The following HECW1 variants were observed in gnomAD, a reference collection of about 807,000 sequenced individuals.
HECW1 encodes the protein HECT, C2 and WW domain containing E3 ubiquitin protein ligase 1.
HECW1 carries 61 observed loss-of-function variants against 182.3 expected under a neutral mutation model. The ratio of observed to expected loss-of-function variants is 0.33; its 90% CI spans 0.27 to 0.41. HECW1 has a LOEUF of 0.41. Among genes scored for constraint, HECW1 ranks in the 10% least tolerant of loss-of-function variants. The probability of loss-of-function intolerance (pLI) is 1.00; values close to 1 mark genes in which losing one functional copy is unlikely to be tolerated. For synonymous variants in HECW1, 859 were observed against 832.6 expected (o/e 1.03, Z -0.55); for missense variants, 1,739 against 2,108.9 (o/e 0.82, Z 3.44).
At chr7:43,313,504 G>A (rs994863590) in intron 4 of HECW1, among the ~76,000 whole-genome samples, 7 of 151,882 alleles carry the variant, frequency 4.6e-5, no homozygotes, top group African/African-American at 1.7e-4. Context: ...CGCCTGGCTA[G>A]TTTTGTATTT....
Position 43,521,423 on chromosome 7 carries a change from G to C in HECW1, c.4019+12302G>C, listed in dbSNP as rs559278092. Among the ~76,000 whole-genome samples the C allele has an allele frequency of 9.2e-5, 14 of 152,296 alleles. No homozygotes were observed. In the South Asian group the frequency reaches 2.9e-3, roughly 32 times the overall value. Reference sequence around the variant, plus strand: ...ATGATGGAAGACTGGAAAAAGAAAAGGTTAAGCAAAATTTTTGCAGGATTA... The same window carrying C: ...ATGATGGAAGACTGGAAAAAGAAAACGTTAAGCAAAATTTTTGCAGGATTA... On this transcript the variant is annotated intron_variant, in intron 24 of 29. Coordinates refer to ENST00000395891, the MANE Select transcript of HECW1 (RefSeq NM_015052.5).
intron 21 of HECW1, among the ~76,000 whole-genome samples, chr7:43,504,654 C>T (rs988993102): frequency 6.6e-6 from 1 of 152,226 alleles, no homozygotes; most frequent in African/African-American, 2.4e-5. Context: ...TCTCTCATCT[C>T]ACATGAACCT....
intron 3 of HECW1, among the ~76,000 whole-genome samples, chr7:43,258,375 A>T (rs943942404): frequency 2.0e-5 from 3 of 150,978 alleles, no homozygotes; most frequent in Non-Finnish European, 4.4e-5. Context: ...ATAAAAAAAT[A>T]AAAAAAAAGA....
intron 5 of HECW1, among the ~76,000 whole-genome samples, chr7:43,355,000 A>G (rs1031739526): frequency 2.7e-5 from 4 of 150,930 alleles, no homozygotes; most frequent in African/African-American, 9.8e-5. Flanking sequence ...ACCAAGAGGG[A>G]GTGAGATGAC....
At chr7:43,447,097 G>A (rs2077082363) in intron 11 of HECW1, among the ~76,000 whole-genome samples, 1 of 152,130 alleles carries the variant, frequency 6.6e-6, no homozygotes, top group Non-Finnish European at 1.5e-5. Flanking sequence ...CCTGTGAAGA[G>A]CCAGATAGTA....
chr7:43,139,849 T>C (rs911020587), intron 2 of HECW1, among the ~76,000 whole-genome samples: 2 of 152,206 alleles, frequency 1.3e-5, no homozygotes, highest in Non-Finnish European at 2.9e-5. Context: ...TGGTTTTGAC[T>C]ACCTTCCCAA....
chr7:43,180,661 C>T (rs1192580504), intron 2 of HECW1, among the ~76,000 whole-genome samples: 4 of 152,194 alleles, frequency 2.6e-5, no homozygotes, highest in Admixed American at 6.5e-5. Flanking sequence ...TCCCAAAGTG[C>T]TGGGATTACG....
At chr7:43,359,118 G>A (rs181370986) in intron 5 of HECW1, among the ~76,000 whole-genome samples, 1 of 152,246 alleles carries the variant, frequency 6.6e-6, no homozygotes. Flanking sequence ...GAGCCACCGT[G>A]CCCGGCCCAT....
intron 3 of HECW1, among the ~76,000 whole-genome samples, chr7:43,264,655 C>CT (rs1303746055): frequency 1.3e-5 from 2 of 152,090 alleles, no homozygotes; most frequent in Non-Finnish European, 1.5e-5. Context: ...ACCATCCTGG[C>CT]TAACACAGTG....
At chr7:43,122,640 T>C (rs953274870) in intron 2 of HECW1, among the ~76,000 whole-genome samples, 7 of 152,178 alleles carry the variant, frequency 4.6e-5, no homozygotes, top group African/African-American at 1.7e-4. Flanking sequence ...CAGATCATGG[T>C]GTGACATCCT....
intron 24 of HECW1, among the ~76,000 whole-genome samples, chr7:43,537,591 T>C (rs540503506): frequency 4.6e-5 from 7 of 152,334 alleles, no homozygotes; most frequent in Admixed American, 3.3e-4. Flanking sequence ...ATTCATCAGC[T>C]ATTGTTTTAT....
At chr7:43,376,588 G>A (rs961508009) in intron 6 of HECW1, among the ~76,000 whole-genome samples, 1 of 152,098 alleles carries the variant, frequency 6.6e-6, no homozygotes, top group African/African-American at 2.4e-5. Context: ...AATATAGCTC[G>A]GCACAGTGGC....
intron 2 of HECW1, among the ~76,000 whole-genome samples, chr7:43,119,480 G>A (rs376187538): frequency 7.2e-5 from 11 of 152,186 alleles, no homozygotes; most frequent in African/African-American, 9.6e-5. Flanking sequence ...ATGCGGGTAC[G>A]GGGATTCCCC....
chr7:43,412,390 C>T (rs1022366041), intron 8 of HECW1, among the ~76,000 whole-genome samples: 2 of 151,430 alleles, frequency 1.3e-5, no homozygotes, highest in African/African-American at 4.8e-5. Flanking sequence ...TTAATGCCTC[C>T]CCATACATTT....
intron 2 of HECW1, among the ~76,000 whole-genome samples, chr7:43,232,497 T>G (rs775274487): frequency 6.6e-6 from 1 of 152,226 alleles, no homozygotes; most frequent in Non-Finnish European, 1.5e-5. Context: ...AAAGCTTATT[T>G]CTCACTCACA....
chr7:43,331,903 G>A (rs1380723654), intron 5 of HECW1, among the ~76,000 whole-genome samples: 2 of 152,198 alleles, frequency 1.3e-5, no homozygotes, highest in Non-Finnish European at 2.9e-5. Flanking sequence ...TTGAAGGGCA[G>A]TTTGATGGAT....
At chr7:43,299,318 G>A (rs568379564) in intron 3 of HECW1, among the ~76,000 whole-genome samples, 6 of 152,268 alleles carry the variant, frequency 3.9e-5, no homozygotes, top group African/African-American at 9.6e-5. Context: ...GTACCTTCCC[G>A]GTATCTTTGG....
At chr7:43,468,718 C>G (rs986128260) in intron 15 of HECW1, among the ~76,000 whole-genome samples, 1 of 152,118 alleles carries the variant, frequency 6.6e-6, no homozygotes, top group Non-Finnish European at 1.5e-5. Context: ...GACAGGGTCT[C>G]GCTATGTAGC....
intron 17 of HECW1, among the ~76,000 whole-genome samples, chr7:43,488,429 AG>A (rs2152916137): frequency 1.0e-5 from 1 of 96,084 alleles, no homozygotes; most frequent in South Asian, 3.6e-4. Flanking sequence ...AGAGAAAGAA[AG>A]AAAGAGAAAG....
Sources: gnomAD v4.1 joint callset for allele counts (sites outside exome capture counted in the v4.1 genomes callset) on GRCh38, gnomAD v4.1.1 for gene constraint, MANE v1.5 for transcripts, NCBI Gene and HGNC (gene_info 2026-07-23, HGNC 2026-07-21) for gene names.